SORCS2: variants seen among roughly 807,000 people sequenced by gnomAD.
SORCS2 encodes the protein sortilin related VPS10 domain containing receptor 2, also known as VPS10 domain-containing receptor SorCS2.
Under a neutral mutation model 141.6 loss-of-function variants are expected in SORCS2, and 100 were observed. The observed-to-expected ratio is 0.71, with a 90% CI of 0.60 to 0.83. The LOEUF is 0.83. Among genes scored for constraint, SORCS2 ranks in the 40% least tolerant of loss-of-function variants. The probability of loss-of-function intolerance (pLI) is 0.00; values close to 1 mark genes in which losing one functional copy is unlikely to be tolerated. For missense variants in SORCS2, 1,646 were observed against 1,560.2 expected (o/e 1.05, Z -0.93); for synonymous variants, 789 against 676.9 (o/e 1.17, Z -2.57).
intron 2 of SORCS2, among the ~76,000 whole-genome samples, chr4:7,461,251 A>G (rs1729290016): frequency 6.6e-6 from 1 of 152,196 alleles, no homozygotes; most frequent in Non-Finnish European, 1.5e-5. Flanking sequence ...ACTTGCTTCC[A>G]TCTCTGAACG....
At chr4:7,407,907 GATA>G (rs1053912728) in intron 2 of SORCS2, among the ~76,000 whole-genome samples, 6 of 151,646 alleles carry the variant, frequency 4.0e-5, no homozygotes, top group Non-Finnish European at 7.4e-5. Context: ...ATTTTAAAGT[GATA>G]ATAATTTAGA....
At chr4:7,643,912 G>C (rs1720892190) in intron 4 of SORCS2, among the ~76,000 whole-genome samples, 1 of 152,142 alleles carries the variant, frequency 6.6e-6, no homozygotes, top group South Asian at 2.1e-4. Flanking sequence ...TGAGAACAGG[G>C]AAAAGATTGG....
chr4:7,486,460 G>C (rs1730993325), intron 2 of SORCS2, among the ~76,000 whole-genome samples: 1 of 152,206 alleles, frequency 6.6e-6, no homozygotes, highest in South Asian at 2.1e-4. Flanking sequence ...CCCGTGTCTT[G>C]CAAGAAGGTC....
intron 1 of SORCS2, among the ~76,000 whole-genome samples, chr4:7,271,891 G>T (rs1216574728): frequency 6.6e-6 from 1 of 152,242 alleles, no homozygotes; most frequent in African/African-American, 2.4e-5. Context: ...GGCTGCAGAG[G>T]CAGGTCCCAG....
chr4:7,562,479 G>T (rs1441463650), intron 3 of SORCS2, among the ~76,000 whole-genome samples: 1 of 152,188 alleles, frequency 6.6e-6, no homozygotes, highest in South Asian at 2.1e-4. Flanking sequence ...AAGAACAGGG[G>T]TTGGCAAACG....
Position 7,741,917 on chromosome 4 carries a change from G to C in SORCS2, c.*1653G>C, listed in dbSNP as rs148581544. ...GGTGGGGAGGAGGCACCCGCTCCTT[G>C]TTGAGTAAAACCACCCATGGAGACT... On this transcript the variant is annotated 3_prime_UTR_variant, in exon 27 of 27. Transcript: ENST00000507866. 3 of 152,388 alleles carry C rather than the reference G, an allele frequency of 2.0e-5. No individual in the cohort carries two copies. The highest frequency in any genetic ancestry group is 2.4e-5 in the African/African-American group (1 of 41,570). 9.4% of individuals were successfully genotyped at this position (152,388 alleles called of 1,614,324 possible).
rs1194756903 is a variant in SORCS2 at position 7,543,771 on chromosome 4, T to C, written c.648+12142T>C. 2.6e-3 allele frequency among the ~76,000 whole-genome samples: 181 copies of C among 69,636 alleles called. 8 individuals carry two copies. The highest frequency in any genetic ancestry group is 0.01 in the African/African-American group (166 of 15,888). The allele number at this position is 69,636 out of a possible 152,430, so 45.7% of individuals were successfully genotyped here. On this transcript the variant is annotated intron_variant, in intron 3 of 26. Transcript: ENST00000507866. ...ATCCACCCATCCACCCACCCATCCG[T>C]CCATCCATCCACTCATCCATCCATC...
In SORCS2 at chr4:7,723,897, C is replaced by T. The variant is rs1161695364; in HGVS notation, c.2611+14C>T. ...TCCAGGTCAACTGTAAGTTTATTGC[C>T]CCTTTGAGGCCAAAGGTCACTCCCT... is the stretch of plus-strand genomic sequence containing the variant. On this transcript the variant is annotated intron_variant, in intron 19 of 26. Coordinates refer to ENST00000507866, the MANE Select transcript of SORCS2 (RefSeq NM_020777.3). 3.1e-6 allele frequency: 5 copies of T among 1,587,662 alleles called. No homozygotes were observed. Among genetic ancestry groups the T allele is most frequent in the African/African-American group, 1.3e-5 (1 of 74,426 alleles).
intron 1 of SORCS2, among the ~76,000 whole-genome samples, chr4:7,206,707 A>C (rs1238430280): frequency 6.6e-6 from 1 of 152,180 alleles, no homozygotes; most frequent in African/African-American, 2.4e-5. Context: ...CCACGCCTCC[A>C]TGGTGGGGCC....
intron 5 of SORCS2, 75 bp downstream of exon 5, chr4:7,654,282 GC>G: frequency 6.9e-7 from 1 of 1,453,206 alleles, no homozygotes; most frequent in Non-Finnish European, 9.4e-7. Flanking sequence ...ACCCTTGGGA[GC>G]CCATCCCTGC....
intron 2 of SORCS2, among the ~76,000 whole-genome samples, chr4:7,510,012 G>A (rs1732519017): frequency 6.6e-6 from 1 of 152,206 alleles, no homozygotes. Context: ...ACCCTTGACG[G>A]TGAATTTAAT....
At chr4:7,374,121 T>TTCTTTCCC (rs200207956) in intron 1 of SORCS2, among the ~76,000 whole-genome samples, 1 of 20,176 alleles carries the variant, frequency 5.0e-5, no homozygotes, top group Non-Finnish European at 1.0e-4. Context: ...CTTTCTTTCT[T>TTCTTTCCC]TCTTTCCCTC....
At chr4:7,619,719 C>T (rs1719023788) in intron 3 of SORCS2, among the ~76,000 whole-genome samples, 1 of 152,174 alleles carries the variant, frequency 6.6e-6, no homozygotes, top group African/African-American at 2.4e-5. Context: ...TGCCTTCTCT[C>T]TCAAGGAGGC....
In SORCS2 at chr4:7,552,172, A is replaced by G. The variant is rs188701265; in HGVS notation, c.648+20543A>G. 7.2e-5 allele frequency among the ~76,000 whole-genome samples: 11 copies of G among 152,322 alleles called. No homozygotes were observed. In the East Asian group the frequency reaches 1.9e-3, roughly 27 times the overall value. On this transcript the variant is annotated intron_variant, in intron 3 of 26. Transcript: ENST00000507866. ...AAATGTGGCTCCCTCCCTCCCTGAC[A>G]GGGAAACAGAAACCTGTTTCCCAAG...
intron 3 of SORCS2, among the ~76,000 whole-genome samples, chr4:7,628,250 C>T (rs1003350680): frequency 6.6e-5 from 10 of 152,270 alleles, no homozygotes; most frequent in East Asian, 1.9e-4. Context: ...CGGCCAGGCG[C>T]GGTGGCTCAT....
intron 2 of SORCS2, among the ~76,000 whole-genome samples, chr4:7,492,226 G>A (rs748423702): frequency 1.6e-4 from 24 of 152,322 alleles, no homozygotes; most frequent in African/African-American, 4.8e-4. Context: ...GACATCTCCC[G>A]AGTCCTCCCT....
At chr4:7,456,229 G>A (rs999057078) in intron 2 of SORCS2, among the ~76,000 whole-genome samples, 7 of 152,144 alleles carry the variant, frequency 4.6e-5, no homozygotes, top group African/African-American at 1.7e-4. Flanking sequence ...GTCACATCAG[G>A]TATTGGGCTT....
intron 10 of SORCS2, among the ~76,000 whole-genome samples, chr4:7,685,249 C>T (rs1438338775): frequency 6.6e-6 from 1 of 152,188 alleles, no homozygotes; most frequent in African/African-American, 2.4e-5. Context: ...TATGTCCTGG[C>T]CTTGAAATAA....
intron 1 of SORCS2, among the ~76,000 whole-genome samples, chr4:7,348,998 C>A (rs1334726094): frequency 6.6e-6 from 1 of 152,196 alleles, no homozygotes; most frequent in Non-Finnish European, 1.5e-5. Flanking sequence ...GACAGAGACA[C>A]CCCTTCCCCC....
Sources: allele counts gnomAD v4.1 joint callset (sites outside exome capture counted in the v4.1 genomes callset), GRCh38; gene constraint gnomAD v4.1.1; transcripts MANE v1.5; gene names NCBI Gene and HGNC (gene_info 2026-07-23, HGNC 2026-07-21).